The following BPIFB4 variants were observed in gnomAD, a reference collection of about 807,000 sequenced individuals.
BPIFB4 encodes the protein BPI fold-containing family B member 4.
In BPIFB4, 62 loss-of-function variants were observed where a neutral mutation model predicts 69.2. That is an observed-to-expected ratio of 0.90 (90% confidence interval 0.73 to 1.11). The LOEUF (loss-of-function observed/expected upper bound fraction) is 1.11. Ranked by LOEUF, BPIFB4 falls within the 50% of genes least tolerant of loss-of-function variation. The pLI, the probability that BPIFB4 is intolerant of heterozygous loss-of-function variation, is 0.00. For synonymous variants in BPIFB4, 330 were observed against 332.7 expected, an observed-to-expected ratio of 0.99 and a Z score of 0.09; for missense variants, 789 against 792.0, an observed-to-expected ratio of 1.00 and a Z score of 0.04.
rs754856568 is a variant in BPIFB4, at chr20:33,107,825, G to A, written c.1821+5G>A. On this transcript the variant is annotated splice_donor_5th_base_variant and intron_variant, in intron 17 of 17. Coordinates refer to ENST00000375483, the MANE Select transcript of BPIFB4 (RefSeq NM_182519.3). ...GCAGACATTGACGTGTTGGAGGTAA[G>A]AGGAGATCGAGCTCCATTCTGCTTT... is the stretch of plus-strand genomic sequence containing the variant. 6.2e-6 allele frequency: 10 copies of A among 1,612,976 alleles called. No homozygotes were observed. Among genetic ancestry groups the A allele is most frequent in the South Asian group, 1.1e-5 (1 of 91,030 alleles).
At chr20:33,086,500 C>A (rs1187224716) in intron 7 of BPIFB4, among the ~76,000 whole-genome samples, 1 of 152,202 alleles carries the variant, frequency 6.6e-6, no homozygotes, top group African/African-American at 2.4e-5. Flanking sequence ...ATCTCAGTTC[C>A]ATGGTTCATT....
At position 33,092,635 on chromosome 20, in the gene BPIFB4, G is replaced by A. The variant is rs1484786608; in HGVS notation, c.1321G>A (p.Asp441Asn). 3.1e-6 allele frequency: 5 copies of A among 1,611,896 alleles called. No homozygotes were observed. Among genetic ancestry groups the A allele is most frequent in the Non-Finnish European group, 4.2e-6 (5 of 1,180,000 alleles). The change falls in exon 11 of 18, where the codon GAC becomes AAC. Residue 441 changes from aspartate (D) to asparagine (N), a missense_variant. By Grantham distance (23) the Asp-to-Asn change is conservative (BLOSUM62 1). This residue lies in a region of BPIFB4 where 611 missense variants were observed against 575.4 expected (regional missense o/e 1.06). Transcript: ENST00000375483. ...LTLLQKQHAL[D>N]LDITNGMFEE... Reference sequence around the variant, plus strand: ...TCTACTGCAGAAGCAGCATGCTCTAGACCTGGATATCACCAATGGCATGGT... The same window carrying A: ...TCTACTGCAGAAGCAGCATGCTCTAAACCTGGATATCACCAATGGCATGGT...
intron 12 of BPIFB4, among the ~76,000 whole-genome samples, chr20:33,096,167 C>G (rs575953429): frequency 6.6e-6 from 1 of 152,338 alleles, no homozygotes; most frequent in East Asian, 1.9e-4. Flanking sequence ...GTAACAGTGG[C>G]AGCTCCAGCC....
At chr20:33,086,395 C>T (rs1981431360) in intron 7 of BPIFB4, among the ~76,000 whole-genome samples, 1 of 152,182 alleles carries the variant, frequency 6.6e-6, no homozygotes, top group South Asian at 2.1e-4. Context: ...ATGGGGCCTT[C>T]GACCAGCCTG....
chr20:33,100,316 T>C, intron 13 of BPIFB4, 110 bp from the exon 14 acceptor site: 3 of 865,052 alleles, frequency 3.5e-6, no homozygotes, highest in South Asian at 3.5e-5. Context: ...CCTGCCATCA[T>C]GCTCAGGGTT....
chr20:33,083,779 T>TGGTCTCCTTGGTGATGGAGGA lies in BPIFB4; in HGVS notation c.583_603dup (p.Gly195_Gly201dup). The TGGTCTCCTTGGTGATGGAGGA allele has an allele frequency of 6.2e-7, 1 of 1,613,180 alleles. No homozygotes were observed. The highest frequency in any genetic ancestry group is 1.1e-5 in the South Asian group (1 of 91,012). Reference sequence around the variant, plus strand: ...GCCAAGGTGGCCTGCTCGGCGGAGGTGGTCTCCTTGGTGATGGAGGACTTC... The same window carrying TGGTCTCCTTGGTGATGGAGGA: ...GCCAAGGTGGCCTGCTCGGCGGAGGTGGTCTCCTTGGTGATGGAGGAGGTCTCCTTGGTGATGGAGGACTTC... On this transcript the variant is annotated inframe_insertion, in exon 5 of 18. Transcript: ENST00000375483.
intron 14 of BPIFB4, among the ~76,000 whole-genome samples, chr20:33,102,027 C>G (rs1052517091): frequency 6.6e-6 from 1 of 152,182 alleles, no homozygotes; most frequent in Non-Finnish European, 1.5e-5. Flanking sequence ...TAGTGCACAT[C>G]AGAGACATCC....
chr20:33,091,613 CACA>C (rs1981602380), intron 10 of BPIFB4, among the ~76,000 whole-genome samples: 1 of 152,270 alleles, frequency 6.6e-6, no homozygotes, highest in Non-Finnish European at 1.5e-5. Flanking sequence ...CCTGTGCATG[CACA>C]CCTAATATAT....
At chr20:33,083,039 G>A (rs573152957) in intron 4 of BPIFB4, 39 bp downstream of exon 4, 74 of 1,576,620 alleles carry the variant, frequency 4.7e-5, no homozygotes, top group Admixed American at 1.2e-4. Context: ...TCTCCTGGGC[G>A]GTCTGCTTGG....
rs1299726259 is a variant in BPIFB4 at position 33,099,687 on chromosome 20, AT to A, written c.1570-738del. On this transcript the variant is annotated intron_variant, in intron 13 of 17. Transcript: ENST00000375483. ...CTCTTTTCATCTGGCCAAGTCCTACATACCCTTCAGTCCTCAGTCCAAACAC... is the reference window on the plus strand; with the variant it reads ...CTCTTTTCATCTGGCCAAGTCCTACAACCCTTCAGTCCTCAGTCCAAACAC... Among the ~76,000 whole-genome samples the A allele has an allele frequency of 2.4e-4, 37 of 151,992 alleles. 1 individual carries two copies. The highest frequency in any genetic ancestry group is 1.3e-4 in the Admixed American group (2 of 15,270).
intron 15 of BPIFB4, among the ~76,000 whole-genome samples, chr20:33,103,544 G>T (rs922726116): frequency 6.6e-6 from 1 of 152,148 alleles, no homozygotes; most frequent in Non-Finnish European, 1.5e-5. Context: ...ACATTCTAGC[G>T]TTGGGTCCTG....
chr20:33,092,503 G>A lies in BPIFB4; in HGVS notation c.1189G>A (p.Gly397Arg), dbSNP rs544445188. Residue 397 changes from glycine (G) to arginine (R), a missense_variant, in exon 11 of 18, where the codon GGG becomes AGG. This residue lies in a region of BPIFB4 where 611 missense variants were observed against 575.4 expected (regional missense o/e 1.06). Transcript: ENST00000375483. ...AGGGLIDYPLGWPAVSPKPMP... is the reference protein window; with the variant it reads ...AGGGLIDYPLRWPAVSPKPMP... ...AGGAGGACTCATCGACTACCCATTGGGGTGGCCAGCTGTGTCTCCCAAGCC... is the reference window on the plus strand; with the variant it reads ...AGGAGGACTCATCGACTACCCATTGAGGTGGCCAGCTGTGTCTCCCAAGCC... 15 of 1,614,140 alleles carry A rather than the reference G, an allele frequency of 9.3e-6. No homozygotes were observed. Among genetic ancestry groups the A allele is most frequent in the African/African-American group, 1.3e-5 (1 of 75,064 alleles).
chr20:33,084,608 G>A (rs1981361364), intron 5 of BPIFB4, among the ~76,000 whole-genome samples: 1 of 152,198 alleles, frequency 6.6e-6, no homozygotes, highest in Admixed American at 6.5e-5. Flanking sequence ...AGAGGGGCAG[G>A]GATGAGCAGA....
intron 10 of BPIFB4, 26 bp downstream of exon 10, chr20:33,090,825 G>C: frequency 6.2e-7 from 1 of 1,613,384 alleles, no homozygotes; most frequent in Non-Finnish European, 8.5e-7. Context: ...TCAGGGCAAA[G>C]GGTGGTGGCC....
chr20:33,086,113 T>C lies in BPIFB4; in HGVS notation c.875T>C (p.Ile292Thr), dbSNP rs188756520. ...CGCACGGGTTATCCTCGGCTGGTCA[T>C]TGAGCGATGTGACACCCTCCTAGGG... Reference protein sequence around the residue: ...MDRTGYPRLVIERCDTLLGGI... With the variant: ...MDRTGYPRLVTERCDTLLGGI... Residue 292 changes from isoleucine to threonine, a missense_variant, in exon 7 of 18, where the codon ATT becomes ACT. Coordinates refer to ENST00000375483, the MANE Select transcript of BPIFB4 (RefSeq NM_182519.3). The C allele has an allele frequency of 2.0e-5, 33 of 1,613,402 alleles. No individual in the cohort carries two copies. Among genetic ancestry groups the C allele is most frequent in the African/African-American group, 2.7e-5 (2 of 75,022 alleles).
rs141087913 is a variant in BPIFB4 at position 33,107,787 on chromosome 20, C to G, written c.1788C>G (p.Ile596Met). 65 of 1,613,996 alleles carry G rather than the reference C, an allele frequency of 4.0e-5. No homozygotes were observed. The highest frequency in any genetic ancestry group is 5.5e-5 in the Non-Finnish European group (65 of 1,179,968). ...TCCCTCTCCCCAAAATCCTCAACAT[C>G]GACTTTAGCAATGCAGACATTGACG... Reference protein sequence around the residue: ...SGVPLPKILNIDFSNADIDVL... With the variant: ...SGVPLPKILNMDFSNADIDVL... The change falls in exon 17 of 18, where the codon ATC becomes ATG. Residue 596 changes from isoleucine to methionine, a missense_variant. Coordinates refer to ENST00000375483, the MANE Select transcript of BPIFB4 (RefSeq NM_182519.3).
intron 7 of BPIFB4, among the ~76,000 whole-genome samples, chr20:33,087,746 ACACACAC>A (rs1981474808): frequency 2.7e-5 from 4 of 148,810 alleles, no homozygotes; most frequent in South Asian, 4.5e-4. Flanking sequence ...ACACACACAC[ACACACAC>A]AAGCATGCAT....
At chr20:33,110,247 G>C (rs1433263228) in intron 17 of BPIFB4, among the ~76,000 whole-genome samples, 3 of 152,126 alleles carry the variant, frequency 2.0e-5, no homozygotes, top group African/African-American at 7.2e-5. Context: ...TCATAACCTT[G>C]ACATTTCTGA....
chr20:33,084,843 G>A lies in BPIFB4; in HGVS notation c.678-49G>A, dbSNP rs767443160. 4.4e-6 allele frequency: 7 copies of A among 1,586,802 alleles called. No individual in the cohort carries two copies. In the Admixed American group the frequency reaches 1.2e-4, roughly 27 times the overall value. ...GTAGGGGAGGGCGCTCGGGTGAGTGGGTGGTAGTTGGGGTGGCCGGCCTTC... is the reference window on the plus strand; with the variant it reads ...GTAGGGGAGGGCGCTCGGGTGAGTGAGTGGTAGTTGGGGTGGCCGGCCTTC... On this transcript the variant is annotated intron_variant, in intron 5 of 17. Coordinates refer to ENST00000375483, the MANE Select transcript of BPIFB4 (RefSeq NM_182519.3).
Sources: allele counts gnomAD v4.1 joint callset (sites outside exome capture counted in the v4.1 genomes callset), GRCh38; gene constraint gnomAD v4.1.1; regional missense constraint gnomAD v4.1.1; transcripts MANE v1.5; gene names NCBI Gene and HGNC (gene_info 2026-07-23, HGNC 2026-07-21).